The following IL1RAPL2 variants were observed in gnomAD, a reference collection of about 807,000 sequenced individuals.
The protein encoded by IL1RAPL2 is interleukin 1 receptor accessory protein like 2, also known as X-linked interleukin-1 receptor accessory protein-like 2.
Under a neutral mutation model 44.1 loss-of-function variants are expected in IL1RAPL2, and 3 were observed. That is an observed-to-expected ratio of 0.07 (90% CI 0.03 to 0.18). The LOEUF is 0.18. IL1RAPL2 is among the 10% of genes least tolerant of loss of function. The pLI, the probability that IL1RAPL2 is intolerant of heterozygous loss-of-function variation, is 1.00. For synonymous variants in IL1RAPL2, 181 were observed against 178.8 expected (o/e 1.01, Z -0.10); for missense variants, 391 against 496.4 (o/e 0.79, Z 2.02).
intron 2 of IL1RAPL2, among the ~76,000 whole-genome samples, chrX:104,891,168 T>A (rs970954661): frequency 1.8e-5 from 2 of 111,888 alleles, no homozygotes; most frequent in African/African-American, 6.5e-5. Flanking sequence ...ATCTCTGTTT[T>A]GGTACCAGTA....
At chrX:105,055,200 C>T (rs777651098) in intron 2 of IL1RAPL2, among the ~76,000 whole-genome samples, 1 of 111,823 alleles carries the variant, frequency 8.9e-6, no homozygotes, top group East Asian at 2.8e-4. Context: ...GGTTCGTAGA[C>T]AGTGGTCTTC....
chrX:105,532,396 A>G (rs192694584), intron 6 of IL1RAPL2, among the ~76,000 whole-genome samples: 2 of 111,556 alleles, frequency 1.8e-5, no homozygotes, highest in Admixed American at 1.9e-4. Flanking sequence ...ACCCATACCA[A>G]TATCAACAAC....
rs746609755 is a variant in IL1RAPL2 at position 104,603,661 on chromosome X, C to T, written c.-20+36610C>T. 3.6e-5 allele frequency among the ~76,000 whole-genome samples: 4 copies of T among 111,628 alleles called. No homozygotes were observed. The South Asian group carries it at 1.5e-3, about 42-fold the overall frequency. On this transcript the variant is annotated intron_variant, in intron 1 of 10. Coordinates refer to ENST00000372582, the MANE Select transcript of IL1RAPL2 (RefSeq NM_017416.2). ...GCAAGAGAACTTCGTGAAACATACA[C>T]AAGCTTCAATAGCTGATTCGATCAA...
At chrX:104,890,568 A>G (rs889558798) in intron 2 of IL1RAPL2, among the ~76,000 whole-genome samples, 1 of 112,225 alleles carries the variant, frequency 8.9e-6, no homozygotes, top group African/African-American at 3.2e-5. Flanking sequence ...GCATGTTTTC[A>G]TGGGTCTGTT....
chrX:104,598,316 G>T (rs1928807958), intron 1 of IL1RAPL2, among the ~76,000 whole-genome samples: 1 of 111,655 alleles, frequency 9.0e-6, no homozygotes, highest in African/African-American at 3.3e-5. Flanking sequence ...AGAAGCAGTG[G>T]AAGTGTTTGT....
At position 105,659,481 on chromosome X, in the gene IL1RAPL2, C is replaced by A. The variant is rs1228145643; in HGVS notation, c.773-57886C>A. ...GACCATCCTGGCTAAAACGGTGAAA[C>A]CCCGTCTCTACTAAAAATACAAAAA... is the stretch of plus-strand genomic sequence containing the variant. On this transcript the variant is annotated intron_variant, in intron 6 of 10. Transcript: ENST00000372582. 8.3e-5 allele frequency among the ~76,000 whole-genome samples: 9 copies of A among 108,811 alleles called. No individual in the cohort carries two copies. The South Asian group carries it at 2.8e-3, about 34-fold the overall frequency. 94.5% of individuals were successfully genotyped at this position (108,811 alleles called of 115,157 possible).
At chrX:105,533,868 G>A (rs2078824744) in intron 6 of IL1RAPL2, among the ~76,000 whole-genome samples, 1 of 111,948 alleles carries the variant, frequency 8.9e-6, no homozygotes, top group African/African-American at 3.3e-5. Context: ...CATTTAGGTA[G>A]TTTCTGGTTT....
intron 2 of IL1RAPL2, among the ~76,000 whole-genome samples, chrX:104,894,986 G>A (rs1017130948): frequency 6.7e-4 from 75 of 112,681 alleles, no homozygotes; most frequent in Non-Finnish European, 1.2e-3. Context: ...CTTTCTGTTT[G>A]TTAGTTTTCT....
intron 2 of IL1RAPL2, among the ~76,000 whole-genome samples, chrX:104,725,747 TA>T (rs1391173884): frequency 1.8e-5 from 2 of 112,064 alleles, no homozygotes; most frequent in Non-Finnish European, 3.8e-5. Flanking sequence ...TTTTTTCTTG[TA>T]AATGTATTTA....
At chrX:105,588,174 T>C (rs900160379) in intron 6 of IL1RAPL2, among the ~76,000 whole-genome samples, 18 of 111,304 alleles carry the variant, frequency 1.6e-4, no homozygotes, top group African/African-American at 5.9e-4. Context: ...TGCATCTTGA[T>C]TGTATCAATG....
At chrX:105,239,140 C>T (rs1323282127) in intron 4 of IL1RAPL2, among the ~76,000 whole-genome samples, 2 of 111,613 alleles carry the variant, frequency 1.8e-5, no homozygotes, top group African/African-American at 6.5e-5. Context: ...CTCTATAATA[C>T]CTGATGGGAT....
intron 2 of IL1RAPL2, among the ~76,000 whole-genome samples, chrX:105,004,660 T>C (rs943263109): frequency 3.6e-5 from 4 of 111,148 alleles, no homozygotes; most frequent in African/African-American, 9.8e-5. Context: ...TTTATTTTTA[T>C]CAAATTATGC....
chrX:105,077,587 G>T (rs1464758247), intron 2 of IL1RAPL2, among the ~76,000 whole-genome samples: 2 of 111,338 alleles, frequency 1.8e-5, no homozygotes, highest in Admixed American at 9.6e-5. Context: ...TTGAATGTTG[G>T]CCTGCCTTGC....
At chrX:104,958,281 G>A (rs1473403359) in intron 2 of IL1RAPL2, among the ~76,000 whole-genome samples, 1 of 109,114 alleles carries the variant, frequency 9.2e-6, no homozygotes, top group Admixed American at 1.0e-4. Context: ...GTACTAGGGA[G>A]AATAATAGAC....
rs776229931 is a variant in IL1RAPL2 at position 105,595,835 on chromosome X, CT to C, written c.772+111449del. On this transcript the variant is annotated intron_variant, in intron 6 of 10. Coordinates refer to ENST00000372582, the MANE Select transcript of IL1RAPL2 (RefSeq NM_017416.2). ...GGATATTTTTAATTACTACTTCAATCTCCTTATATATTATTGGTCTGTTAAG... is the reference window on the plus strand; with the variant it reads ...GGATATTTTTAATTACTACTTCAATCCCTTATATATTATTGGTCTGTTAAG... 3.6e-4 allele frequency among the ~76,000 whole-genome samples: 40 copies of C among 111,314 alleles called. No homozygotes were observed. The East Asian group carries it at 9.6e-3, about 27-fold the overall frequency.
chrX:104,946,249 T>A (rs1284140154), intron 2 of IL1RAPL2, among the ~76,000 whole-genome samples: 1 of 99,355 alleles, frequency 1.0e-5, no homozygotes, highest in Non-Finnish European at 2.0e-5. Context: ...GGCGGGCGCC[T>A]GTAGTCCCAG....
chrX:105,489,756 T>G (rs866338082), intron 6 of IL1RAPL2, among the ~76,000 whole-genome samples: 2 of 88,876 alleles, frequency 2.3e-5, no homozygotes, highest in Non-Finnish European at 4.1e-5. Context: ...CTTTCTTTCT[T>G]TCTCTTTCTT....
chrX:104,633,568 G>A (rs956317431), intron 1 of IL1RAPL2, among the ~76,000 whole-genome samples: 10 of 111,594 alleles, frequency 9.0e-5, no homozygotes, highest in Admixed American at 2.8e-4. Flanking sequence ...GTTTAGTCTT[G>A]GGAGGGTATA....
chrX:105,549,047 A>G (rs1380951173), intron 6 of IL1RAPL2, among the ~76,000 whole-genome samples: 1 of 111,925 alleles, frequency 8.9e-6, no homozygotes, highest in Admixed American at 9.5e-5. Context: ...AATAAACTCA[A>G]TGCCTTAGAT....
Sources: allele counts gnomAD v4.1 joint callset (sites outside exome capture counted in the v4.1 genomes callset), GRCh38; gene constraint gnomAD v4.1.1; transcripts MANE v1.5; gene names NCBI Gene and HGNC (gene_info 2026-07-23, HGNC 2026-07-21).